The following PKIB variants were observed in gnomAD, a reference collection of about 807,000 sequenced individuals.
PKIB encodes cAMP-dependent protein kinase inhibitor beta, also known as PKI-beta.
A neutral mutation model predicts 4.5 loss-of-function variants in PKIB; 2 were observed. The ratio of observed to expected loss-of-function variants is 0.44; its 90% CI spans 0.18 to 1.39. PKIB has a LOEUF of 1.39. Among genes scored for constraint, PKIB ranks in the 40% most tolerant of loss-of-function variants. The pLI, the probability that PKIB is intolerant of heterozygous loss-of-function variation, is 0.27. For synonymous variants in PKIB, 38 were observed against 36.0 expected (o/e 1.06, Z -0.20); for missense variants, 94 against 92.6 (o/e 1.02, Z -0.06).
chr6:122,587,098 C>A (rs1773873212), intron 3 of PKIB, among the ~76,000 whole-genome samples: 1 of 151,752 alleles, frequency 6.6e-6, no homozygotes. Context: ...CATATGTGTA[C>A]ATGTGCCATA....
At chr6:122,601,761 T>A (rs533405803) in intron 3 of PKIB, among the ~76,000 whole-genome samples, 8 of 152,300 alleles carry the variant, frequency 5.3e-5, no homozygotes, top group Non-Finnish European at 1.0e-4. Context: ...TATCAGTATA[T>A]AGTACATATA....
intron 2 of PKIB, chr6:122,481,495 G>A (rs1179015547): frequency 6.6e-6 from 1 of 152,066 alleles, no homozygotes; most frequent in East Asian, 1.9e-4. Context: ...ATTTGAATGG[G>A]GCTTGTGAAT....
rs533931586 is a variant in PKIB at position 122,706,078 on chromosome 6, C to T, written c.-8-11709C>T. On this transcript the variant is annotated intron_variant, in intron 3 of 4. Transcript: ENST00000368452. Reference sequence around the variant, plus strand: ...TCTCTTATTTAGAACTTGCTTTTTGCACTCCCCTCTTTTAGCTTACAGATA... The same window carrying T: ...TCTCTTATTTAGAACTTGCTTTTTGTACTCCCCTCTTTTAGCTTACAGATA... Among the ~76,000 whole-genome samples, 6 of 152,206 alleles carry T rather than the reference C, an allele frequency of 3.9e-5. No individual in the cohort carries two copies. The East Asian group carries it at 1.2e-3, about 29-fold the overall frequency.
intron 4 of PKIB, among the ~76,000 whole-genome samples, chr6:122,721,224 C>A (rs1166748491): frequency 1.3e-5 from 2 of 152,108 alleles, no homozygotes; most frequent in Non-Finnish European, 2.9e-5. Context: ...TGCCCAAGCT[C>A]ACAAAAATTA....
chr6:122,596,802 A>G (rs1774192577), intron 3 of PKIB, among the ~76,000 whole-genome samples: 1 of 152,202 alleles, frequency 6.6e-6, no homozygotes, highest in African/African-American at 2.4e-5. Flanking sequence ...GTCGGGTCAT[A>G]TGGCCCAAGT....
intron 1 of PKIB, among the ~76,000 whole-genome samples, chr6:122,622,188 C>T (rs369336274): frequency 7.9e-5 from 12 of 152,266 alleles, no homozygotes; most frequent in African/African-American, 2.6e-4. Flanking sequence ...TGTGATTTAA[C>T]TCTTAAATTA....
At chr6:122,587,616 T>C (rs556962386) in intron 3 of PKIB, among the ~76,000 whole-genome samples, 1 of 152,320 alleles carries the variant, frequency 6.6e-6, no homozygotes, top group South Asian at 2.1e-4. Context: ...ACTTCCACAA[T>C]GGTTGAACTA....
intron 3 of PKIB, among the ~76,000 whole-genome samples, chr6:122,692,885 A>G (rs1389524579): frequency 1.3e-5 from 2 of 152,256 alleles, no homozygotes; most frequent in Non-Finnish European, 2.9e-5. Context: ...CTTCTGATTT[A>G]TAAGTTACTA....
chr6:122,571,245 T>C (rs1186029830), intron 2 of PKIB, among the ~76,000 whole-genome samples: 2 of 152,102 alleles, frequency 1.3e-5, no homozygotes, highest in African/African-American at 4.8e-5. Context: ...CCAAGAAATA[T>C]GGGATTATGT....
At chr6:122,504,890 G>A (rs370208766) in intron 2 of PKIB, among the ~76,000 whole-genome samples, 11 of 152,090 alleles carry the variant, frequency 7.2e-5, no homozygotes, top group Non-Finnish European at 1.6e-4. Context: ...TCCGAAGTCC[G>A]GTGGTAACAA....
At chr6:122,484,910 A>G (rs1243602841) in intron 2 of PKIB, among the ~76,000 whole-genome samples, 1 of 152,202 alleles carries the variant, frequency 6.6e-6, no homozygotes, top group Admixed American at 6.5e-5. Context: ...GAAACAATAG[A>G]TGAGTTTTGG....
chr6:122,717,370 A>T (rs1478027819), intron 3 of PKIB, among the ~76,000 whole-genome samples: 1 of 152,122 alleles, frequency 6.6e-6, no homozygotes, highest in African/African-American at 2.4e-5. Flanking sequence ...TACAAATTAT[A>T]GTTATTTGGT....
upstream of PKIB, among the ~76,000 whole-genome samples, chr6:122,608,409 C>G (rs1774617761): frequency 6.6e-6 from 1 of 152,164 alleles, no homozygotes; most frequent in Non-Finnish European, 1.5e-5. Context: ...CTGCTACCAC[C>G]AATTCTTGGA....
At chr6:122,722,178 C>A (rs1779771598) in intron 4 of PKIB, among the ~76,000 whole-genome samples, 1 of 152,002 alleles carries the variant, frequency 6.6e-6, no homozygotes, top group Admixed American at 6.6e-5. Context: ...AAATGTTTTC[C>A]TTTCATTAAC....
intron 1 of PKIB, among the ~76,000 whole-genome samples, chr6:122,628,581 C>A (rs1775561840): frequency 6.6e-6 from 1 of 152,148 alleles, no homozygotes; most frequent in African/African-American, 2.4e-5. Context: ...ATAGTGGATA[C>A]AAAGTATGCC....
At chr6:122,717,682 T>C (rs1779553749) in intron 3 of PKIB, 105 bp from the exon 4 acceptor site, 2 of 1,085,758 alleles carry the variant, frequency 1.8e-6, no homozygotes, top group Admixed American at 3.9e-5. Context: ...ATGATTAGAC[T>C]CTCAAGCCTG....
chr6:122,566,153 G>A (rs1426701139), intron 2 of PKIB, among the ~76,000 whole-genome samples: 1 of 151,938 alleles, frequency 6.6e-6, no homozygotes, highest in Non-Finnish European at 1.5e-5. Flanking sequence ...TAGTAGACAG[G>A]CTTGGGTCAC....
At chr6:122,538,897 A>G (rs1777495854) in intron 2 of PKIB, among the ~76,000 whole-genome samples, 1 of 152,020 alleles carries the variant, frequency 6.6e-6, no homozygotes, top group Non-Finnish European at 1.5e-5. Context: ...GGTCCTTCAC[A>G]TCCCTTGTAA....
intron 3 of PKIB, among the ~76,000 whole-genome samples, chr6:122,595,186 G>A (rs1452485034): frequency 6.6e-6 from 1 of 152,176 alleles, no homozygotes; most frequent in Non-Finnish European, 1.5e-5. Flanking sequence ...CGTGAACTCT[G>A]GCTATGGGAG....
Sources: allele counts gnomAD v4.1 joint callset (sites outside exome capture counted in the v4.1 genomes callset), GRCh38; gene constraint gnomAD v4.1.1; transcripts MANE v1.5; gene names NCBI Gene and HGNC (gene_info 2026-07-23, HGNC 2026-07-21).